Variants in MAP2K5 observed in about 807,000 individuals in gnomAD.
MAP2K5 encodes the protein dual specificity mitogen-activated protein kinase kinase 5.
Under a neutral mutation model 83.1 loss-of-function variants are expected in MAP2K5, and 49 were observed. That is an observed-to-expected ratio of 0.59 (90% CI 0.47 to 0.75). The LOEUF (loss-of-function observed/expected upper bound fraction) is 0.75. MAP2K5 is among the 30% of genes least tolerant of loss of function. The pLI, the probability that MAP2K5 is intolerant of heterozygous loss-of-function variation, is 0.00. For missense variants in MAP2K5, 457 were observed against 557.5 expected, an observed-to-expected ratio of 0.82 and a Z score of 1.82; for synonymous variants, 202 against 191.8, an observed-to-expected ratio of 1.05 and a Z score of -0.44.
chr15:67,735,796 T>C (rs566566854), intron 17 of MAP2K5, among the ~76,000 whole-genome samples: 32 of 152,292 alleles, frequency 2.1e-4, no homozygotes, highest in Admixed American at 9.8e-4. Context: ...GTTAAAGTAA[T>C]GAACTTGGAC....
At chr15:67,646,924 G>A (rs901267290) in intron 11 of MAP2K5, among the ~76,000 whole-genome samples, 13 of 152,130 alleles carry the variant, frequency 8.5e-5, no homozygotes, top group African/African-American at 3.1e-4. Flanking sequence ...TAGCCAAGAT[G>A]TGTTTAATTT....
intron 8 of MAP2K5, among the ~76,000 whole-genome samples, chr15:67,601,954 G>GA (rs2085667713): frequency 6.6e-6 from 1 of 152,208 alleles, no homozygotes; most frequent in Non-Finnish European, 1.5e-5. Context: ...TTTTCCTGCA[G>GA]ATGACTGAGT....
At chr15:67,795,864 T>G (rs998448418) in intron 21 of MAP2K5, among the ~76,000 whole-genome samples, 1 of 152,228 alleles carries the variant, frequency 6.6e-6, no homozygotes, top group Non-Finnish European at 1.5e-5. Flanking sequence ...TGCATTCCTG[T>G]CCATTTTTGC....
chr15:67,795,727 G>C (rs894984602), intron 21 of MAP2K5, among the ~76,000 whole-genome samples: 1 of 152,060 alleles, frequency 6.6e-6, no homozygotes, highest in Non-Finnish European at 1.5e-5. Context: ...ACATCCTTTA[G>C]ATCAACTTTA....
intron 21 of MAP2K5, among the ~76,000 whole-genome samples, chr15:67,784,234 A>G (rs925139327): frequency 6.6e-6 from 1 of 152,252 alleles, no homozygotes; most frequent in Non-Finnish European, 1.5e-5. Flanking sequence ...AGAGTCACAC[A>G]GCCAGGAAAA....
Position 67,720,065 on chromosome 15 carries a change from C to A in MAP2K5, c.1045-7851C>A, listed in dbSNP as rs4502166. ...GTGTCTGTAAAGCTACAAAAGTGGG[C>A]ATTTTTAAATTGAGGGTTTTTTCCC... is the stretch of plus-strand genomic sequence containing the variant. On this transcript the variant is annotated intron_variant, in intron 16 of 21. Coordinates refer to ENST00000178640, the MANE Select transcript of MAP2K5 (RefSeq NM_145160.3). The surrounding 1 kb of genome is among the most constrained non-coding windows in gnomAD (Gnocchi z 5.7). Among the ~76,000 whole-genome samples, 1 of 152,132 alleles carries A rather than the reference C, an allele frequency of 6.6e-6. No individual in the cohort carries two copies. Among genetic ancestry groups the A allele is most frequent in the East Asian group, 1.9e-4 (1 of 5,180 alleles).
At position 67,592,328 on chromosome 15, in the gene MAP2K5, T is replaced by C. The variant is rs377699075; in HGVS notation, c.432-598T>C. Among the ~76,000 whole-genome samples the C allele has an allele frequency of 5.3e-5, 8 of 152,262 alleles. No individual in the cohort carries two copies. The East Asian group carries it at 1.5e-3, about 29-fold the overall frequency. On this transcript the variant is annotated intron_variant, in intron 6 of 21. Transcript: ENST00000178640. ...AGACACAGTGCTAGATTTTTTGTAA[T>C]ATTTAATTTTTCTGGTTACCCTATA... is the stretch of plus-strand genomic sequence containing the variant.
chr15:67,654,287 T>C (rs940343066), intron 11 of MAP2K5, among the ~76,000 whole-genome samples: 4 of 152,228 alleles, frequency 2.6e-5, no homozygotes, highest in African/African-American at 9.6e-5. Flanking sequence ...AATGTCTTTG[T>C]CTCTAGTAAC....
chr15:67,742,465 A>C, intron 17 of MAP2K5, among the ~76,000 whole-genome samples: 1 of 152,204 alleles, frequency 6.6e-6, no homozygotes, highest in Non-Finnish European at 1.5e-5. Flanking sequence ...CACCATAAAG[A>C]GTAGAGTAGT....
In MAP2K5 at chr15:67,774,179, G is replaced by C. The variant is rs1179666211; in HGVS notation, c.1242+1427G>C. Reference sequence around the variant, plus strand: ...GTGATGTGTGTGTATGTGTGTGTGTGTGTGTGTGTGTGTGTGTGTGTGTGA... The same window carrying C: ...GTGATGTGTGTGTATGTGTGTGTGTCTGTGTGTGTGTGTGTGTGTGTGTGA... On this transcript the variant is annotated intron_variant, in intron 21 of 21. Transcript: ENST00000178640. This position sits in a 1 kb window ranked among gnomAD's most constrained non-coding sequence, Gnocchi z 4.9. Among the ~76,000 whole-genome samples, 1 of 150,440 alleles carries C rather than the reference G, an allele frequency of 6.6e-6. No homozygotes were observed. Among genetic ancestry groups the C allele is most frequent in the African/African-American group, 2.5e-5 (1 of 40,486 alleles).
At chr15:67,589,783 A>ATGTGTGTG (rs10584480) in intron 6 of MAP2K5, among the ~76,000 whole-genome samples, 2 of 150,248 alleles carry the variant, frequency 1.3e-5, no homozygotes, top group African/African-American at 2.5e-5. Context: ...GTGTGTGTGT[A>ATGTGTGTG]TGTGTGTGTG....
Position 67,760,507 on chromosome 15 carries a change from C to T in MAP2K5, c.1135-9095C>T, listed in dbSNP as rs1228335226. On this transcript the variant is annotated intron_variant, in intron 19 of 21. Coordinates refer to ENST00000178640, the MANE Select transcript of MAP2K5 (RefSeq NM_145160.3). This position sits in a 1 kb window ranked among gnomAD's most constrained non-coding sequence, Gnocchi z 4.1. ...GTGAATTCAGCCAATAGACCTTATC[C>T]ATTTCTTCTTTTTTACTAACCAAAA... Among the ~76,000 whole-genome samples the T allele has an allele frequency of 6.6e-6, 1 of 152,064 alleles. No homozygotes were observed. Among genetic ancestry groups the T allele is most frequent in the Non-Finnish European group, 1.5e-5 (1 of 68,012 alleles).
chr15:67,624,155 C>G, intron 8 of MAP2K5, among the ~76,000 whole-genome samples: 1 of 151,400 alleles, frequency 6.6e-6, no homozygotes, highest in South Asian at 2.1e-4. Flanking sequence ...CTGGCTAACA[C>G]AGTGAAACCC....
In MAP2K5 at chr15:67,793,327, C is replaced by G. The variant is rs2090550572; in HGVS notation, c.1243-13319C>G. Among the ~76,000 whole-genome samples the G allele has an allele frequency of 2.0e-5, 3 of 152,120 alleles. No homozygotes were observed. The South Asian group carries it at 6.2e-4, about 32-fold the overall frequency. ...TTTAGCTCATTATTATGGACATTGTCTATTTGCCATGTTCTATACCAGTAT... is the reference window on the plus strand; with the variant it reads ...TTTAGCTCATTATTATGGACATTGTGTATTTGCCATGTTCTATACCAGTAT... On this transcript the variant is annotated intron_variant, in intron 21 of 21. Transcript: ENST00000178640. This position sits in a 1 kb window ranked among gnomAD's most constrained non-coding sequence, Gnocchi z 4.6.
rs372080402 is a variant in MAP2K5, at chr15:67,574,641, G to T, written c.253-6113G>T. On this transcript the variant is annotated intron_variant, in intron 3 of 21. Transcript: ENST00000178640. ...CCCAGCACTTTGGGAGGCCGAGGTG[G>T]GCGAATCACGAAGTAAAGAGATCGA... is the stretch of plus-strand genomic sequence containing the variant. Among the ~76,000 whole-genome samples the T allele has an allele frequency of 2.4e-4, 36 of 149,826 alleles. No individual in the cohort carries two copies. In the East Asian group the frequency reaches 5.0e-3, roughly 21 times the overall value.
intron 21 of MAP2K5, 43 bp from the exon 22 acceptor site, chr15:67,806,603 A>G: frequency 6.6e-7 from 1 of 1,510,320 alleles, no homozygotes; most frequent in Non-Finnish European, 8.9e-7. Context: ...TGAGCGCGGG[A>G]GTCCGAGGAC....
chr15:67,544,839 C>A (rs1026815505), intron 1 of MAP2K5, among the ~76,000 whole-genome samples: 1 of 152,180 alleles, frequency 6.6e-6, no homozygotes, highest in Non-Finnish European at 1.5e-5. Flanking sequence ...ACTGCCCAGG[C>A]CATGCAGATT....
Position 67,722,186 on chromosome 15 carries a change from C to T in MAP2K5, c.1045-5730C>T, listed in dbSNP as rs1423668613. Among the ~76,000 whole-genome samples the T allele has an allele frequency of 6.6e-6, 1 of 152,096 alleles. No homozygotes were observed. The highest frequency in any genetic ancestry group is 6.6e-5 in the Admixed American group (1 of 15,258). ...AGTCTCTGTTACTCGCACTTATGCC[C>T]CTCCACAGGGGTTGCAGATTCCACA... On this transcript the variant is annotated intron_variant, in intron 16 of 21. Transcript: ENST00000178640. This position sits in a 1 kb window ranked among gnomAD's most constrained non-coding sequence, Gnocchi z 4.2.
chr15:67,609,897 G>A (rs1001109182), intron 8 of MAP2K5, among the ~76,000 whole-genome samples: 8 of 152,058 alleles, frequency 5.3e-5, no homozygotes, highest in Non-Finnish European at 8.8e-5. Flanking sequence ...ATGAACTTGT[G>A]TAATTGGAGT....
Sources: gnomAD v4.1 joint callset for allele counts (sites outside exome capture counted in the v4.1 genomes callset) on GRCh38, gnomAD v4.1.1 for gene constraint, Gnocchi (gnomAD v3.1) non-coding constraint, MANE v1.5 for transcripts, NCBI Gene and HGNC (gene_info 2026-07-23, HGNC 2026-07-21) for gene names.